Variants in SLC16A10 observed in about 807,000 individuals in gnomAD.
SLC16A10 encodes the protein monocarboxylate transporter 10.
Under a neutral mutation model 40.0 loss-of-function variants are expected in SLC16A10, and 27 were observed. The ratio of observed to expected loss-of-function variants is 0.67; its 90% CI spans 0.50 to 0.93. The LOEUF (loss-of-function observed/expected upper bound fraction) is 0.93, where lower values mean the gene tolerates loss of function less well. Among genes scored for constraint, SLC16A10 ranks in the 40% least tolerant of loss-of-function variants. SLC16A10 has a pLI of 0.00. For missense variants in SLC16A10, 529 were observed against 658.2 expected (o/e 0.80, Z 2.15); for synonymous variants, 213 against 249.8 (o/e 0.85, Z 1.39).
At chr6:111,180,522 C>T (rs576972331) in intron 3 of SLC16A10, among the ~76,000 whole-genome samples, 24 of 152,286 alleles carry the variant, frequency 1.6e-4, no homozygotes, top group African/African-American at 5.1e-4. Context: ...GCACTCCAGC[C>T]TGGGTGACTG....
At position 111,229,369 on chromosome 6, in the gene SLC16A10, C is replaced by T. The variant is rs1008960591; in HGVS notation, c.*7134C>T. The T allele has an allele frequency of 5.9e-5, 9 of 151,890 alleles. No individual in the cohort carries two copies. Among genetic ancestry groups the T allele is most frequent in the Non-Finnish European group, 1.3e-4 (9 of 67,992 alleles). The allele number at this position is 151,890 out of a possible 1,614,324, so 9.4% of individuals were successfully genotyped here. ...TACGAAACTCACAAGAAAATGATCA[C>T]CAAATGAGAATGTTCTAATGAACAC... On this transcript the variant is annotated 3_prime_UTR_variant, in exon 6 of 6. Coordinates refer to ENST00000368851, the MANE Select transcript of SLC16A10 (RefSeq NM_018593.5).
intron 1 of SLC16A10, among the ~76,000 whole-genome samples, chr6:111,159,336 C>T (rs1772330137): frequency 6.6e-6 from 1 of 152,162 alleles, no homozygotes; most frequent in South Asian, 2.1e-4. Context: ...TTTACTATTA[C>T]AGATGCTTCT....
At chr6:111,204,928 A>C (rs1038070638) in intron 3 of SLC16A10, among the ~76,000 whole-genome samples, 20 of 151,172 alleles carry the variant, frequency 1.3e-4, no homozygotes, top group African/African-American at 4.6e-4. Flanking sequence ...TAAATTTTGT[A>C]CTTTTTTTTT....
chr6:111,161,221 T>TAAAAAAA (rs1772364152), intron 1 of SLC16A10, among the ~76,000 whole-genome samples: 1 of 4,164 alleles, frequency 2.4e-4, no homozygotes, highest in Non-Finnish European at 6.9e-4. Context: ...AGACAGTGTC[T>TAAAAAAA]CAAAAAAAAA....
intron 1 of SLC16A10, among the ~76,000 whole-genome samples, chr6:111,155,080 GC>G (rs1353059234): frequency 6.6e-6 from 1 of 151,676 alleles, no homozygotes; most frequent in African/African-American, 2.4e-5. Flanking sequence ...TCTACCAGGG[GC>G]CAGGATGATC....
intron 1 of SLC16A10, among the ~76,000 whole-genome samples, chr6:111,106,944 T>C (rs1771295000): frequency 6.6e-6 from 1 of 152,214 alleles, no homozygotes; most frequent in African/African-American, 2.4e-5. Flanking sequence ...TGTATGCATT[T>C]TCAGTTACTA....
At chr6:111,131,057 C>T (rs1395878586) in intron 1 of SLC16A10, among the ~76,000 whole-genome samples, 1 of 152,222 alleles carries the variant, frequency 6.6e-6, no homozygotes, top group Non-Finnish European at 1.5e-5. Context: ...TATGGGAGCT[C>T]TGTTTTCACT....
At chr6:111,136,464 G>A (rs764991663) in intron 1 of SLC16A10, among the ~76,000 whole-genome samples, 1 of 152,196 alleles carries the variant, frequency 6.6e-6, no homozygotes, top group South Asian at 2.1e-4. Context: ...GATGTGAACC[G>A]CATACTCACT....
chr6:111,209,480 T>A (rs972566731), intron 4 of SLC16A10, among the ~76,000 whole-genome samples: 4 of 152,038 alleles, frequency 2.6e-5, no homozygotes, highest in African/African-American at 7.2e-5. Context: ...TAAAAAAAAA[T>A]TTTCACCCAA....
intron 4 of SLC16A10, 37 bp from the exon 5 acceptor site, chr6:111,218,777 C>A: frequency 6.4e-7 from 1 of 1,560,838 alleles, no homozygotes; most frequent in Non-Finnish European, 8.8e-7. Flanking sequence ...ACATTTGCTT[C>A]CTGCGAGCGG....
At chr6:111,123,165 G>A (rs554365128) in intron 1 of SLC16A10, among the ~76,000 whole-genome samples, 1 of 152,178 alleles carries the variant, frequency 6.6e-6, no homozygotes, top group East Asian at 1.9e-4. Flanking sequence ...TCATCCTGTC[G>A]GGGTTGATCT....
chr6:111,188,833 A>T (rs564240680), intron 3 of SLC16A10, among the ~76,000 whole-genome samples: 1 of 152,230 alleles, frequency 6.6e-6, no homozygotes, highest in African/African-American at 2.4e-5. Context: ...TTCAACTCTC[A>T]TGGTAACCTT....
At chr6:111,213,813 C>A (rs1773381486) in intron 4 of SLC16A10, among the ~76,000 whole-genome samples, 1 of 152,334 alleles carries the variant, frequency 6.6e-6, no homozygotes, top group African/African-American at 2.4e-5. Context: ...TGCTGTGTGG[C>A]CTGACATTTT....
At chr6:111,205,729 G>C (rs1773242944) in intron 3 of SLC16A10, among the ~76,000 whole-genome samples, 1 of 152,220 alleles carries the variant, frequency 6.6e-6, no homozygotes, top group Non-Finnish European at 1.5e-5. Context: ...TGCCTCTCCA[G>C]AGGTTTATCT....
Position 111,177,459 on chromosome 6 carries a change from C to T in SLC16A10, c.736C>T (p.Leu246=). 2 of 1,614,094 alleles carry T rather than the reference C, an allele frequency of 1.2e-6. No homozygotes were observed. The highest frequency in any genetic ancestry group is 1.3e-5 in the African/African-American group (1 of 75,030). Reference sequence around the variant, plus strand: ...CTGCATCTTCATGTTTGTTCTCTTTCTGGCTGGCTTTACTTACCGACCTCT... The same window carrying T: ...CTGCATCTTCATGTTTGTTCTCTTTTTGGCTGGCTTTACTTACCGACCTCT... ...VLCIFMFVLF[L]AGFTYRPLAT... is the part of the protein sequence containing the mutation. The change falls in exon 3 of 6, where the codon CTG becomes TTG. Residue 246 remains leucine (L), a synonymous_variant. Transcript: ENST00000368851.
At chr6:111,149,990 T>A (rs1331355130) in intron 1 of SLC16A10, among the ~76,000 whole-genome samples, 1 of 152,246 alleles carries the variant, frequency 6.6e-6, no homozygotes, top group Non-Finnish European at 1.5e-5. Context: ...TTTTGTCAAC[T>A]GAGTAGATAC....
intron 1 of SLC16A10, among the ~76,000 whole-genome samples, chr6:111,115,089 A>G (rs1771461770): frequency 6.6e-6 from 1 of 152,158 alleles, no homozygotes; most frequent in Non-Finnish European, 1.5e-5. Context: ...CCATCTTACC[A>G]TAGCTGTGCC....
chr6:111,111,533 C>T (rs895722742), intron 1 of SLC16A10, among the ~76,000 whole-genome samples: 10 of 152,148 alleles, frequency 6.6e-5, no homozygotes, highest in African/African-American at 2.4e-4. Flanking sequence ...CCAGTCTAGA[C>T]AACATACTGA....
Position 111,177,403 on chromosome 6 carries a change from G to A in SLC16A10, c.680G>A (p.Ser227Asn), listed in dbSNP as rs1410452167. ...LPLLLRVLID[S>N]VGLFYTLRVL... ...TTGCTCTTAAGGGTTCTGATTGACA[G>A]CGTGGGCCTCTTTTACACATTGAGG... The change falls in exon 3 of 6, where the codon AGC becomes AAC. Residue 227 changes from serine to asparagine, a missense_variant. Ser to Asn is a conservative substitution (Grantham distance 46). Coordinates refer to ENST00000368851, the MANE Select transcript of SLC16A10 (RefSeq NM_018593.5). 2.5e-6 allele frequency: 4 copies of A among 1,614,058 alleles called. No individual in the cohort carries two copies. Among genetic ancestry groups the A allele is most frequent in the Non-Finnish European group, 1.7e-6 (2 of 1,179,998 alleles).
Sources: gnomAD v4.1 joint callset for allele counts (sites outside exome capture counted in the v4.1 genomes callset) on GRCh38, gnomAD v4.1.1 for gene constraint, MANE v1.5 for transcripts, NCBI Gene and HGNC (gene_info 2026-07-23, HGNC 2026-07-21) for gene names.